Variants in MYO5B observed in about 807,000 individuals in gnomAD.
MYO5B encodes the protein myosin VB.
In MYO5B, 143 loss-of-function variants were observed where a neutral mutation model predicts 229.3. That is an observed-to-expected ratio of 0.62 (90% CI 0.54 to 0.72). The LOEUF is 0.72. Among genes scored for constraint, MYO5B ranks in the 30% least tolerant of loss-of-function variants. MYO5B has a pLI of 0.00. For missense variants in MYO5B, 2,321 were observed against 2,331.0 expected (o/e 1.00, Z 0.09); for synonymous variants, 918 against 885.2 (o/e 1.04, Z -0.66).
chr18:50,056,112 C>G (rs1488109716), intron 1 of MYO5B, among the ~76,000 whole-genome samples: 1 of 152,174 alleles, frequency 6.6e-6, no homozygotes, highest in Non-Finnish European at 1.5e-5. Flanking sequence ...CCAAAACTTT[C>G]ACTCACCTTC....
At chr18:50,052,085 G>A (rs976200925) in intron 2 of MYO5B, among the ~76,000 whole-genome samples, 2 of 152,138 alleles carry the variant, frequency 1.3e-5, no homozygotes, top group Admixed American at 6.5e-5. Context: ...GGAGAAATAG[G>A]AACACTTTTA....
chr18:49,879,795 C>T (rs2024566956), intron 23 of MYO5B, among the ~76,000 whole-genome samples: 1 of 152,172 alleles, frequency 6.6e-6, no homozygotes, highest in Non-Finnish European at 1.5e-5. Flanking sequence ...CTGATGGCAG[C>T]CCAGGAGCTG....
intron 16 of MYO5B, among the ~76,000 whole-genome samples, chr18:49,931,395 C>A (rs1189890324): frequency 6.6e-6 from 1 of 152,184 alleles, no homozygotes; most frequent in African/African-American, 2.4e-5. Context: ...CACCCATCTT[C>A]TCCATAAAAT....
At chr18:50,191,268 AT>A (rs2033222806) in intron 1 of MYO5B, among the ~76,000 whole-genome samples, 2 of 152,200 alleles carry the variant, frequency 1.3e-5, no homozygotes, top group Non-Finnish European at 2.9e-5. Context: ...AATCTCCTTA[AT>A]TTCATAATCA....
Position 50,075,280 on chromosome 18 carries a change from C to T in MYO5B, c.28-19902G>A, listed in dbSNP as rs138066813. Among the ~76,000 whole-genome samples, 58 of 152,130 alleles carry T rather than the reference C, an allele frequency of 3.8e-4. 1 individual carries two copies. The East Asian group carries it at 0.01, about 27-fold the overall frequency. On this transcript the variant is annotated intron_variant, in intron 1 of 39. Transcript: ENST00000285039. ...GGTATGGAAGACTGGAGAGACTTCACAGAAAAGAGGCAGGATGGAGAAGGA... is the reference window on the plus strand; with the variant it reads ...GGTATGGAAGACTGGAGAGACTTCATAGAAAAGAGGCAGGATGGAGAAGGA...
chr18:49,951,699 A>G (rs1481346961), intron 14 of MYO5B, among the ~76,000 whole-genome samples: 1 of 152,180 alleles, frequency 6.6e-6, no homozygotes, highest in Non-Finnish European at 1.5e-5. Context: ...TCTTCTCTCC[A>G]TCCCTCGTTT....
At chr18:49,969,183 A>C (rs1268781032) in intron 10 of MYO5B, among the ~76,000 whole-genome samples, 1 of 152,206 alleles carries the variant, frequency 6.6e-6, no homozygotes, top group East Asian at 1.9e-4. Context: ...CACAGGCTGA[A>C]GGGTTAATGC....
At chr18:50,042,019 G>A (rs1383653367) in intron 2 of MYO5B, among the ~76,000 whole-genome samples, 2 of 152,154 alleles carry the variant, frequency 1.3e-5, no homozygotes, top group Non-Finnish European at 2.9e-5. Flanking sequence ...AGTAACCAAA[G>A]AGATTCAAGT....
intron 29 of MYO5B, among the ~76,000 whole-genome samples, chr18:49,858,966 T>C (rs950831244): frequency 3.9e-5 from 6 of 152,224 alleles, no homozygotes; most frequent in Admixed American, 2.0e-4. Flanking sequence ...TGGCTCAGGA[T>C]TTTTTGTTGA....
At chr18:50,043,392 T>TAATATA in intron 2 of MYO5B, among the ~76,000 whole-genome samples, 1 of 70,678 alleles carries the variant, frequency 1.4e-5, no homozygotes, top group Non-Finnish European at 2.7e-5. Flanking sequence ...ATTAAATATA[T>TAATATA]TTAAATATAT....
chr18:49,840,914 G>A (rs2024048124), intron 35 of MYO5B, among the ~76,000 whole-genome samples: 1 of 152,220 alleles, frequency 6.6e-6, no homozygotes, highest in Non-Finnish European at 1.5e-5. Context: ...TGATTATGGT[G>A]TGCCTCTGTT....
At chr18:50,157,845 C>T (rs541395424) in intron 1 of MYO5B, among the ~76,000 whole-genome samples, 7 of 152,260 alleles carry the variant, frequency 4.6e-5, no homozygotes, top group Admixed American at 1.3e-4. Flanking sequence ...AAATGCCTAC[C>T]CAATGCCTGG....
chr18:49,926,309 T>C lies in MYO5B; in HGVS notation c.2090+3203A>G, dbSNP rs566979756. Among the ~76,000 whole-genome samples, 3 of 152,338 alleles carry C rather than the reference T, an allele frequency of 2.0e-5. No individual in the cohort carries two copies. The East Asian group carries it at 5.8e-4, about 29-fold the overall frequency. On this transcript the variant is annotated intron_variant, in intron 17 of 39. Transcript: ENST00000285039. ...GAATTGTTTGTGGTTAAGTTGTTTATGGGTAATTAATCACTGCATACGAAA... is the reference window on the plus strand; with the variant it reads ...GAATTGTTTGTGGTTAAGTTGTTTACGGGTAATTAATCACTGCATACGAAA...
At chr18:50,043,478 T>TATTTAC (rs2030116679) in intron 2 of MYO5B, among the ~76,000 whole-genome samples, 1 of 87,510 alleles carries the variant, frequency 1.1e-5, no homozygotes, top group African/African-American at 4.4e-5. Flanking sequence ...TATTTACATA[T>TATTTAC]ATAAATATAT....
At chr18:50,014,487 T>C (rs1374668863) in intron 4 of MYO5B, among the ~76,000 whole-genome samples, 1 of 152,170 alleles carries the variant, frequency 6.6e-6, no homozygotes, top group African/African-American at 2.4e-5. Context: ...TTATGGGTTG[T>C]GGTGAGGTGT....
At chr18:50,064,450 C>T (rs540757563) in intron 1 of MYO5B, 3 of 152,172 alleles carry the variant, frequency 2.0e-5, no homozygotes, top group African/African-American at 7.2e-5. Flanking sequence ...TTCCATAATT[C>T]AGCTCCTAGA....
At position 49,974,487 on chromosome 18, in the gene MYO5B, C is replaced by T. The variant is rs765441720; in HGVS notation, c.1185G>A (p.Gln395=). The T allele has an allele frequency of 1.2e-6, 2 of 1,614,200 alleles. No individual in the cohort carries two copies. Among genetic ancestry groups the T allele is most frequent in the South Asian group, 1.1e-5 (1 of 91,088 alleles). The change falls in exon 10 of 40, where the codon CAG becomes CAA. Residue 395 remains glutamine (Q), a synonymous_variant. Transcript: ENST00000285039. ...SETYVKTMSL[Q]QVINARNALA... ...GGGCGTTGCGCGCATTGATCACCTG[C>T]TGCAGGGACATGGTCTTGACGTAGG...
chr18:49,885,310 A>G (rs1393033954), intron 22 of MYO5B, among the ~76,000 whole-genome samples: 9 of 152,184 alleles, frequency 5.9e-5, no homozygotes, highest in Non-Finnish European at 1.2e-4. Flanking sequence ...ACCACAACAC[A>G]TAATGACTAG....
At chr18:50,161,447 C>T (rs1195573691) in intron 1 of MYO5B, among the ~76,000 whole-genome samples, 1 of 151,400 alleles carries the variant, frequency 6.6e-6, no homozygotes, top group East Asian at 1.9e-4. Context: ...GGGGACTATA[C>T]CTAAACACCA....
Sources: allele counts gnomAD v4.1 joint callset (sites outside exome capture counted in the v4.1 genomes callset), GRCh38; gene constraint gnomAD v4.1.1; transcripts MANE v1.5; gene names NCBI Gene and HGNC (gene_info 2026-07-23, HGNC 2026-07-21).